The following RFX4 variants were observed in gnomAD, a reference collection of about 807,000 sequenced individuals.
RFX4 encodes the protein transcription factor RFX4.
A neutral mutation model predicts 95.0 loss-of-function variants in RFX4; 10 were observed. The observed-to-expected ratio is 0.11, with a 90% CI of 0.06 to 0.18. RFX4 has a LOEUF of 0.18. RFX4 is among the 10% of genes least tolerant of loss of function. The pLI is 1.00. For missense variants in RFX4, 640 were observed against 922.0 expected (o/e 0.69, Z 3.96); for synonymous variants, 321 against 340.7 (o/e 0.94, Z 0.64).
intron 2 of RFX4, among the ~76,000 whole-genome samples, chr12:106,610,887 A>G (rs572294001): frequency 9.2e-5 from 14 of 152,220 alleles, no homozygotes; most frequent in Non-Finnish European, 2.1e-4. Flanking sequence ...TTGAGAAACC[A>G]CAAAACTGGT....
chr12:106,624,209 AAG>A (rs1301225776), intron 2 of RFX4, among the ~76,000 whole-genome samples: 1 of 152,260 alleles, frequency 6.6e-6, no homozygotes, highest in Non-Finnish European at 1.5e-5. Flanking sequence ...GGAAGGATGA[AAG>A]AGGATTTGTC....
chr12:106,657,577 A>G (rs1052319100), intron 4 of RFX4, among the ~76,000 whole-genome samples: 7 of 152,184 alleles, frequency 4.6e-5, no homozygotes, highest in African/African-American at 1.4e-4. Flanking sequence ...TTCTAGCTGA[A>G]CTGGTCTTGT....
At position 106,757,626 on chromosome 12, in the gene RFX4, G is replaced by C. The variant is rs555083348; in HGVS notation, c.1936-3571G>C. Reference sequence around the variant, plus strand: ...TTGGGAGCTACATCCTTCTCCAGAAGAAGCTAAGAGGCTAGGGGTGAGCCC... The same window carrying C: ...TTGGGAGCTACATCCTTCTCCAGAACAAGCTAAGAGGCTAGGGGTGAGCCC... On this transcript the variant is annotated intron_variant, in intron 17 of 17. Coordinates refer to ENST00000392842, the MANE Select transcript of RFX4 (RefSeq NM_213594.3). 2.0e-5 allele frequency among the ~76,000 whole-genome samples: 3 copies of C among 151,840 alleles called. No individual in the cohort carries two copies. In the South Asian group the frequency reaches 6.3e-4, roughly 32 times the overall value.
rs181830827 is a variant in RFX4, at chr12:106,673,906, C to T, written c.316-8087C>T. ...TTCCAACTGGTTTCCCTGCTTCCATCCTTGCCCCTAAGTCAGTTCTCCACA... is the reference window on the plus strand; with the variant it reads ...TTCCAACTGGTTTCCCTGCTTCCATTCTTGCCCCTAAGTCAGTTCTCCACA... On this transcript the variant is annotated intron_variant, in intron 4 of 17. Coordinates refer to ENST00000392842, the MANE Select transcript of RFX4 (RefSeq NM_213594.3). 5.3e-4 allele frequency among the ~76,000 whole-genome samples: 81 copies of T among 152,342 alleles called. 1 individual carries two copies. The highest frequency in any genetic ancestry group is 1.8e-3 in the African/African-American group (75 of 41,574).
chr12:106,760,296 C>G (rs962405322), intron 17 of RFX4, among the ~76,000 whole-genome samples: 11 of 152,122 alleles, frequency 7.2e-5, no homozygotes, highest in African/African-American at 2.4e-4. Flanking sequence ...GCCCATAGCT[C>G]CTCCCCTTCC....
intron 4 of RFX4, among the ~76,000 whole-genome samples, chr12:106,670,264 G>A (rs545734846): frequency 7.2e-5 from 11 of 151,968 alleles, no homozygotes; most frequent in Non-Finnish European, 1.0e-4. Context: ...CACCACCCTC[G>A]CCCTCTCTTA....
At chr12:106,658,675 T>C (rs1488671616) in intron 4 of RFX4, among the ~76,000 whole-genome samples, 2 of 152,284 alleles carry the variant, frequency 1.3e-5, no homozygotes, top group African/African-American at 4.8e-5. Flanking sequence ...TGGGGGCTTC[T>C]CCTAGCTATA....
At chr12:106,601,015 C>G (rs142683789) in intron 1 of RFX4, 1 of 712,624 alleles carries the variant, frequency 1.4e-6, no homozygotes. Context: ...TCACTAGCTG[C>G]TCAGAGCCTG....
At chr12:106,724,347 C>T (rs1312699476) in intron 13 of RFX4, among the ~76,000 whole-genome samples, 1 of 152,210 alleles carries the variant, frequency 6.6e-6, no homozygotes, top group African/African-American at 2.4e-5. Context: ...AATTCTGTTT[C>T]AAAATCAAAC....
chr12:106,718,886 G>A (rs897230319), intron 11 of RFX4, among the ~76,000 whole-genome samples: 8 of 151,872 alleles, frequency 5.3e-5, no homozygotes, highest in Admixed American at 2.0e-4. Context: ...CAAGGCGGGC[G>A]GATCACGAGG....
At chr12:106,696,675 G>A (rs1174392275) in intron 8 of RFX4, among the ~76,000 whole-genome samples, 1 of 152,166 alleles carries the variant, frequency 6.6e-6, no homozygotes, top group Non-Finnish European at 1.5e-5. Context: ...ATGGTGTACA[G>A]TAAACAATCT....
intron 17 of RFX4, among the ~76,000 whole-genome samples, chr12:106,753,900 G>A (rs2043059968): frequency 6.6e-6 from 1 of 152,176 alleles, no homozygotes; most frequent in South Asian, 2.1e-4. Flanking sequence ...AAGAAAGAGA[G>A]CTCTCAGGGC....
intron 8 of RFX4, among the ~76,000 whole-genome samples, chr12:106,705,717 G>T (rs1163292516): frequency 1.3e-5 from 2 of 152,248 alleles, no homozygotes; most frequent in East Asian, 3.9e-4. Context: ...AAGCTGAGGG[G>T]ACAGTGGGAG....
chr12:106,635,514 T>C (rs2040493779), intron 2 of RFX4, among the ~76,000 whole-genome samples: 1 of 152,094 alleles, frequency 6.6e-6, no homozygotes, highest in African/African-American at 2.4e-5. Context: ...GGTTTCACTG[T>C]GTTGGGCAGG....
intron 7 of RFX4, 129 bp from the exon 8 acceptor site, chr12:106,696,154 G>A (rs974159387): frequency 1.9e-6 from 2 of 1,069,332 alleles, no homozygotes; most frequent in Non-Finnish European, 2.7e-6. Flanking sequence ...CAGGCTGGGG[G>A]TGACTTCTGC....
At chr12:106,702,891 A>AT (rs2042017283) in intron 8 of RFX4, among the ~76,000 whole-genome samples, 1 of 152,026 alleles carries the variant, frequency 6.6e-6, no homozygotes, top group East Asian at 1.9e-4. Context: ...TCCTCCAAAC[A>AT]TGTACCTCTC....
At chr12:106,746,862 C>T (rs1038374671) in intron 15 of RFX4, among the ~76,000 whole-genome samples, 1 of 152,188 alleles carries the variant, frequency 6.6e-6, no homozygotes, top group African/African-American at 2.4e-5. Flanking sequence ...CCTTCTCGCC[C>T]TCCCTTCCTT....
chr12:106,630,107 C>A (rs2040389008), intron 2 of RFX4, among the ~76,000 whole-genome samples: 1 of 151,848 alleles, frequency 6.6e-6, no homozygotes, highest in African/African-American at 2.4e-5. Flanking sequence ...CCTATTTTTT[C>A]TTTTGGTTCT....
chr12:106,730,633 T>A (rs1156367030), intron 13 of RFX4, among the ~76,000 whole-genome samples: 1 of 152,134 alleles, frequency 6.6e-6, no homozygotes, highest in African/African-American at 2.4e-5. Flanking sequence ...GATGTGATGA[T>A]GATAATAATG....
Sources: gnomAD v4.1 joint callset for allele counts (sites outside exome capture counted in the v4.1 genomes callset) on GRCh38, gnomAD v4.1.1 for gene constraint, MANE v1.5 for transcripts, NCBI Gene and HGNC (gene_info 2026-07-23, HGNC 2026-07-21) for gene names.